Variants in DROSHA observed in about 807,000 individuals in gnomAD.
DROSHA encodes the protein ribonuclease 3.
A neutral mutation model predicts 181.9 loss-of-function variants in DROSHA; 56 were observed. The ratio of observed to expected loss-of-function variants is 0.31; its 90% CI spans 0.25 to 0.38. The LOEUF (loss-of-function observed/expected upper bound fraction) is 0.38, where lower values mean the gene tolerates loss of function less well. DROSHA is among the 10% of genes least tolerant of loss of function. The probability of loss-of-function intolerance (pLI) is 1.00; values close to 1 mark genes in which losing one functional copy is unlikely to be tolerated. For missense variants in DROSHA, 1,218 were observed against 1,743.5 expected (o/e 0.70, Z 5.37); for synonymous variants, 524 against 591.2 (o/e 0.89, Z 1.65).
chr5:31,503,148 C>T (rs1404116390), intron 11 of DROSHA, among the ~76,000 whole-genome samples: 2 of 152,102 alleles, frequency 1.3e-5, no homozygotes, highest in Non-Finnish European at 2.9e-5. Flanking sequence ...CAGTTGGTGT[C>T]AGCCACCCTC....
intron 30 of DROSHA, among the ~76,000 whole-genome samples, chr5:31,419,724 T>C (rs1164520522): frequency 2.0e-5 from 3 of 152,188 alleles, no homozygotes; most frequent in African/African-American, 4.8e-5. Context: ...GTGGCCTCTA[T>C]AGGGCCCTAA....
chr5:31,435,740 C>T (rs1426277711), intron 25 of DROSHA, 25 bp downstream of exon 25: 3 of 1,604,002 alleles, frequency 1.9e-6, no homozygotes, highest in Non-Finnish European at 2.6e-6. Flanking sequence ...GACGTAACTA[C>T]AAATGCTGCA....
At chr5:31,517,749 A>G (rs564191743) in intron 6 of DROSHA, among the ~76,000 whole-genome samples, 2 of 152,236 alleles carry the variant, frequency 1.3e-5, no homozygotes, top group South Asian at 4.1e-4. Context: ...GAAAAATTAA[A>G]GAGTCATTAT....
At chr5:31,429,409 C>T in intron 27 of DROSHA, 66 bp downstream of exon 27, 1 of 1,427,246 alleles carries the variant, frequency 7.0e-7, no homozygotes, top group Admixed American at 2.0e-5. Flanking sequence ...ATTACAAAGA[C>T]CAGCTGAAAT....
intron 30 of DROSHA, among the ~76,000 whole-genome samples, chr5:31,418,518 G>T (rs150544707): frequency 6.6e-6 from 1 of 152,048 alleles, no homozygotes; most frequent in Non-Finnish European, 1.5e-5. Flanking sequence ...ATCCTCCCAG[G>T]TTGGCCTCCC....
rs1274614882 is a variant in DROSHA at position 31,409,291 on chromosome 5, C to T, written c.3709G>A (p.Val1237Ile). Residue 1237 changes from valine (V) to isoleucine (I), a missense_variant, in exon 32 of 36, where the codon GTT (valine) becomes ATT (isoleucine). Val to Ile is a conservative substitution (Grantham distance 29). Transcript: ENST00000344624. This position sits in a 1 kb window ranked among gnomAD's most constrained non-coding sequence, Gnocchi z 4.0. ...AAGCAGACATTCATGAAAGTATGAA[C>T]ATATTCCAAATCCTTATCAATGTAC... ...ALYIDKDLEY[V>I]HTFMNVCFFP... 1 of 1,591,406 alleles carries T rather than the reference C, an allele frequency of 6.3e-7. No homozygotes were observed.
chr5:31,487,100 C>T (rs1427933271), intron 13 of DROSHA, among the ~76,000 whole-genome samples: 1 of 152,028 alleles, frequency 6.6e-6, no homozygotes, highest in East Asian at 1.9e-4. Context: ...ATTTTTTGAG[C>T]CAGGCAGTGT....
chr5:31,510,340 CAT>C (rs1738527852), intron 9 of DROSHA, among the ~76,000 whole-genome samples: 1 of 152,160 alleles, frequency 6.6e-6, no homozygotes, highest in African/African-American at 2.4e-5. Flanking sequence ...AAACCCAAGC[CAT>C]CCAACTCCCA....
intron 20 of DROSHA, among the ~76,000 whole-genome samples, chr5:31,454,504 C>G (rs74633959): frequency 4.6e-5 from 7 of 152,158 alleles, no homozygotes; most frequent in Non-Finnish European, 8.8e-5. Flanking sequence ...CTTATACCTC[C>G]TTTCTAAAAG....
At chr5:31,454,856 C>T (rs1484006460) in intron 20 of DROSHA, among the ~76,000 whole-genome samples, 7 of 146,446 alleles carry the variant, frequency 4.8e-5, no homozygotes, top group Non-Finnish European at 8.9e-5. Flanking sequence ...AGGAGAATGG[C>T]GTGAACCCAG....
At chr5:31,475,802 G>A (rs1037873935) in intron 16 of DROSHA, among the ~76,000 whole-genome samples, 3 of 152,126 alleles carry the variant, frequency 2.0e-5, no homozygotes, top group Non-Finnish European at 4.4e-5. Flanking sequence ...GGAGGATGAC[G>A]GAGGGAGTAA....
rs1206908007 is a variant in DROSHA, at chr5:31,409,492, A to G, written c.3668-160T>C. On this transcript the variant is annotated intron_variant, in intron 31 of 35. Coordinates refer to ENST00000344624, the MANE Select transcript of DROSHA (RefSeq NM_001382508.1). The surrounding 1 kb of genome is among the most constrained non-coding windows in gnomAD (Gnocchi z 4.0). The stretch of plus-strand genomic sequence containing the variant: ...ATTTCATCTTCCCCCACTTTTTATC[A>G]TTAATATCAGAAGCAGCAAGAGATG... 4.7e-6 allele frequency: 3 copies of G among 633,672 alleles called. No individual in the cohort carries two copies. Among genetic ancestry groups the G allele is most frequent in the Admixed American group, 3.0e-5 (1 of 33,576 alleles). 39.3% of individuals were successfully genotyped at this position (633,672 alleles called of 1,614,324 possible).
chr5:31,526,080 T>G lies in DROSHA; in HGVS notation c.853A>C (p.Arg285=). 1 of 1,581,190 alleles carries G rather than the reference T, an allele frequency of 6.3e-7. No homozygotes were observed. The highest frequency in any genetic ancestry group is 8.6e-7 in the Non-Finnish European group (1 of 1,158,032). The change falls in exon 5 of 36, where the codon AGA becomes CGA. Residue 285 remains arginine (R), a splice_region_variant and synonymous_variant. Coordinates refer to ENST00000344624, the MANE Select transcript of DROSHA (RefSeq NM_001382508.1). ...AAGAACTACACACAAGCGGTTTACC[T>G]GCTCCGTTCGTAGCTGCGGTGGCGA... ...PSRHRSYERS[R]ERERERHRHR... is the part of the protein sequence containing the mutation.
chr5:31,466,391 AT>A (rs1451079460), intron 18 of DROSHA, 110 bp from the exon 19 acceptor site: 22 of 863,688 alleles, frequency 2.5e-5, no homozygotes, highest in Non-Finnish European at 4.1e-5. Context: ...CATTCTTTTG[AT>A]TATTCTTAAT....
rs114144979 is a variant in DROSHA at position 31,403,561 on chromosome 5, T to C, written c.3995-1999A>G. On this transcript the variant is annotated intron_variant, in intron 35 of 35. Transcript: ENST00000344624. Reference sequence around the variant, plus strand: ...AAGCATTTTCCCATATCATTAGTTTTTAAAACCATTACTGTAATGCATACA... The same window carrying C: ...AAGCATTTTCCCATATCATTAGTTTCTAAAACCATTACTGTAATGCATACA... 5.0e-3 allele frequency among the ~76,000 whole-genome samples: 766 copies of C among 152,326 alleles called. 8 individuals carry two copies. The highest frequency in any genetic ancestry group is 0.018 in the African/African-American group (733 of 41,570).
chr5:31,437,569 G>A (rs982147862), intron 23 of DROSHA, among the ~76,000 whole-genome samples: 3 of 151,970 alleles, frequency 2.0e-5, no homozygotes, highest in Non-Finnish European at 4.4e-5. Context: ...AGCCTTCAAG[G>A]TGATATCTCA....
chr5:31,425,770 C>T (rs961545421), intron 27 of DROSHA, among the ~76,000 whole-genome samples: 1 of 152,086 alleles, frequency 6.6e-6, no homozygotes, highest in South Asian at 2.1e-4. Flanking sequence ...TTACAGAAGA[C>T]GGCAGGCTTA....
intron 19 of DROSHA, among the ~76,000 whole-genome samples, chr5:31,465,029 C>T (rs1413804320): frequency 6.6e-6 from 1 of 151,684 alleles, no homozygotes; most frequent in African/African-American, 2.4e-5. Flanking sequence ...CATTAAATGG[C>T]GTATTTCAGA....
chr5:31,521,316 G>A, intron 5 of DROSHA, 101 bp from the exon 6 acceptor site: 1 of 1,282,342 alleles, frequency 7.8e-7, no homozygotes, highest in Non-Finnish European at 1.1e-6. Flanking sequence ...CCACATCTAG[G>A]AATTTTTCAG....
Sources: gnomAD v4.1 joint callset for allele counts (sites outside exome capture counted in the v4.1 genomes callset) on GRCh38, gnomAD v4.1.1 for gene constraint, Gnocchi (gnomAD v3.1) non-coding constraint, MANE v1.5 for transcripts, NCBI Gene and HGNC (gene_info 2026-07-23, HGNC 2026-07-21) for gene names.